ARHGEF10L: variants seen among roughly 807,000 people sequenced by gnomAD.
ARHGEF10L encodes the protein Rho guanine nucleotide exchange factor 10 like, also known as rho guanine nucleotide exchange factor 10-like protein.
Under a neutral mutation model 141.2 loss-of-function variants are expected in ARHGEF10L, and 69 were observed. That is an observed-to-expected ratio of 0.49 (90% CI 0.40 to 0.60). The LOEUF (loss-of-function observed/expected upper bound fraction) is 0.60. Among genes scored for constraint, ARHGEF10L ranks in the 20% least tolerant of loss-of-function variants. The pLI is 0.00. For missense variants in ARHGEF10L, 1,482 were observed against 1,734.3 expected (o/e 0.85, Z 2.58); for synonymous variants, 711 against 718.5 (o/e 0.99, Z 0.17).
At chr1:17,592,359 GC>G (rs1278846187) in intron 4 of ARHGEF10L, among the ~76,000 whole-genome samples, 2 of 152,202 alleles carry the variant, frequency 1.3e-5, no homozygotes, top group Non-Finnish European at 2.9e-5. Flanking sequence ...ATTCTCATGG[GC>G]TCCCTGAAGG....
At chr1:17,628,508 C>T (rs1186660475) in intron 15 of ARHGEF10L, among the ~76,000 whole-genome samples, 1 of 152,140 alleles carries the variant, frequency 6.6e-6, no homozygotes, top group Non-Finnish European at 1.5e-5. Flanking sequence ...GGAGGTCCCA[C>T]ACCCCAGCCC....
chr1:17,517,876 C>T, the ARHGEF10L span, among the ~76,000 whole-genome samples: 2 of 152,058 alleles, frequency 1.3e-5, no homozygotes, highest in Non-Finnish European at 2.9e-5. Flanking sequence ...TGGCCAGGCT[C>T]TTCTCAAACT....
At chr1:17,557,176 C>T (rs143128128) in intron 1 of ARHGEF10L, among the ~76,000 whole-genome samples, 372 of 151,858 alleles carry the variant, frequency 2.4e-3, no homozygotes, top group Non-Finnish European at 4.0e-3. Context: ...AACCTTGTCT[C>T]TACTAAAAAT....
In ARHGEF10L at chr1:17,602,144, G is replaced by A. The variant is rs1256824860; in HGVS notation, c.275G>A (p.Ser92Asn). ...PPGTGVPAWV[S>N]NGDAADAAFS... ...GCCCGCAGGGTGCCAGCCTGGGTGA[G>A]CAATGGGGATGCAGCGGACGCAGCC... Residue 92 changes from serine (S) to asparagine (N), a missense_variant, in exon 5 of 29, where the codon AGC becomes AAC. Around this residue, in one of 3 missense-constraint regions of ARHGEF10L, gnomAD observed 232 missense variants for 225.9 expected, o/e 1.03. Transcript: ENST00000361221. The A allele has an allele frequency of 7.6e-6, 12 of 1,576,304 alleles. No homozygotes were observed. Among genetic ancestry groups the A allele is most frequent in the Non-Finnish European group, 9.5e-6 (11 of 1,160,762 alleles).
chr1:17,531,146 G>A, the ARHGEF10L span, among the ~76,000 whole-genome samples: 1 of 152,334 alleles, frequency 6.6e-6, no homozygotes, highest in South Asian at 2.1e-4. Context: ...CAGTAAAAGT[G>A]GGGGCATCAT....
chr1:17,619,271 C>A lies in ARHGEF10L; in HGVS notation c.836-68C>A. 6.7e-7 allele frequency: 1 copy of A among 1,483,560 alleles called. No homozygotes were observed. The highest frequency in any genetic ancestry group is 9.3e-7 in the Non-Finnish European group (1 of 1,076,236). The allele number at this position is 1,483,560 out of a possible 1,614,324, so 91.9% of individuals were successfully genotyped here. Reference sequence around the variant, plus strand: ...AAGGCTGGTCTAGGGGGGCTCTCAGCTCCTGAGGCCTGAGCAGGGTGTGCT... The same window carrying A: ...AAGGCTGGTCTAGGGGGGCTCTCAGATCCTGAGGCCTGAGCAGGGTGTGCT... On this transcript the variant is annotated intron_variant, in intron 9 of 28. Coordinates refer to ENST00000361221, the MANE Select transcript of ARHGEF10L (RefSeq NM_018125.4). This position sits in a 1 kb window ranked among gnomAD's most constrained non-coding sequence, Gnocchi z 5.0.
At chr1:17,690,346 C>T (rs375138697) in intron 27 of ARHGEF10L, among the ~76,000 whole-genome samples, 2 of 152,256 alleles carry the variant, frequency 1.3e-5, no homozygotes, top group East Asian at 3.9e-4. Context: ...ATCCTCGGTC[C>T]CTACCCCGCA....
chr1:17,557,002 A>G (rs1419773686), intron 1 of ARHGEF10L, among the ~76,000 whole-genome samples: 1 of 151,000 alleles, frequency 6.6e-6, no homozygotes, highest in East Asian at 1.9e-4. Context: ...ACTGCCCTCC[A>G]GTTCGGACAA....
At chr1:17,560,516 C>T (rs1027920768) in intron 1 of ARHGEF10L, among the ~76,000 whole-genome samples, 1 of 152,212 alleles carries the variant, frequency 6.6e-6, no homozygotes, top group Admixed American at 6.6e-5. Flanking sequence ...CACTTGAGTG[C>T]AGTAATGGGG....
intron 1 of ARHGEF10L, among the ~76,000 whole-genome samples, chr1:17,542,801 G>A (rs141333309): frequency 6.6e-6 from 1 of 152,234 alleles, no homozygotes; most frequent in East Asian, 1.9e-4. Flanking sequence ...AGTGACTGTC[G>A]AAGGTCACTG....
the ARHGEF10L span, among the ~76,000 whole-genome samples, chr1:17,532,793 C>T: frequency 6.6e-6 from 1 of 152,010 alleles, no homozygotes; most frequent in Non-Finnish European, 1.5e-5. Flanking sequence ...CGGGGTTTCC[C>T]TATATTGGCC....
At chr1:17,613,283 C>T in intron 8 of ARHGEF10L, 109 bp downstream of exon 8, 1 of 886,338 alleles carries the variant, frequency 1.1e-6, no homozygotes, top group South Asian at 1.5e-5. Flanking sequence ...CAGGCCCACC[C>T]TTGAGTCCCA....
intron 4 of ARHGEF10L, among the ~76,000 whole-genome samples, chr1:17,591,000 CAA>C (rs1557763187): frequency 2.6e-5 from 4 of 152,120 alleles, no homozygotes; most frequent in Admixed American, 1.3e-4. Flanking sequence ...AACAAACAAA[CAA>C]AGAAACAAAA....
intron 26 of ARHGEF10L, among the ~76,000 whole-genome samples, chr1:17,676,863 T>G (rs1037557193): frequency 6.6e-6 from 1 of 151,822 alleles, no homozygotes; most frequent in African/African-American, 2.4e-5. Context: ...GTCTTCTGAT[T>G]GGGCAGAATC....
Position 17,656,767 on chromosome 1 carries a change from A to G in ARHGEF10L, c.2860+59A>G. 6.4e-7 allele frequency: 1 copy of G among 1,562,448 alleles called. No individual in the cohort carries two copies. The highest frequency in any genetic ancestry group is 8.7e-7 in the Non-Finnish European group (1 of 1,148,046). On this transcript the variant is annotated intron_variant, in intron 25 of 28. Coordinates refer to ENST00000361221, the MANE Select transcript of ARHGEF10L (RefSeq NM_018125.4). The surrounding 1 kb of genome is among the most constrained non-coding windows in gnomAD (Gnocchi z 4.9). Reference sequence around the variant, plus strand: ...GTCCTGGATGCCAGCTGGGTGCCAGATTCTCTACCAAGAGAGGATACAGGA... The same window carrying G: ...GTCCTGGATGCCAGCTGGGTGCCAGGTTCTCTACCAAGAGAGGATACAGGA...
chr1:17,596,556 T>C (rs567747020), intron 4 of ARHGEF10L, among the ~76,000 whole-genome samples: 109 of 152,360 alleles, frequency 7.2e-4, no homozygotes, highest in African/African-American at 2.5e-3. Context: ...GGCCCCAGAA[T>C]GCTTGTGCGT....
chr1:17,619,527 T>G lies in ARHGEF10L; in HGVS notation c.942+82T>G. On this transcript the variant is annotated intron_variant, in intron 10 of 28. Coordinates refer to ENST00000361221, the MANE Select transcript of ARHGEF10L (RefSeq NM_018125.4). This position sits in a 1 kb window ranked among gnomAD's most constrained non-coding sequence, Gnocchi z 5.0. ...TCCAGCCTGTTCTCTGGGGCCACGCTTGTCTGGATCTCACAGGGGATATGA... is the reference window on the plus strand; with the variant it reads ...TCCAGCCTGTTCTCTGGGGCCACGCGTGTCTGGATCTCACAGGGGATATGA... The G allele has an allele frequency of 8.7e-7, 1 of 1,142,956 alleles. No homozygotes were observed. Among genetic ancestry groups the G allele is most frequent in the Non-Finnish European group, 1.2e-6 (1 of 809,032 alleles). 70.8% of individuals were successfully genotyped at this position (1,142,956 alleles called of 1,614,324 possible).
Position 17,697,239 on chromosome 1 carries a change from G to T in ARHGEF10L, c.3699G>T (p.Lys1233Asn). Reference protein sequence around the residue: ...SRPCARDAHRKEICSVAIISG... With the variant: ...SRPCARDAHRNEICSVAIISG... ...CCTGCGCCCGCGACGCCCACCGCAA[G>T]GAGATTTGCTCTGTGGCCATCATCT... Residue 1233 changes from lysine to asparagine, a missense_variant, in exon 29 of 29, where the codon AAG becomes AAT. Physicochemically the swap from Lys to Asn is moderately conservative, Grantham distance 94. This residue lies in a region of ARHGEF10L where 858 missense variants were observed against 966.3 expected (regional missense o/e 0.89). Transcript: ENST00000361221. This position sits in a 1 kb window ranked among gnomAD's most constrained non-coding sequence, Gnocchi z 4.8. The T allele has an allele frequency of 6.2e-7, 1 of 1,612,536 alleles. No homozygotes were observed.
the ARHGEF10L span, among the ~76,000 whole-genome samples, chr1:17,519,815 C>G: frequency 2.0e-5 from 3 of 151,888 alleles, no homozygotes; most frequent in Non-Finnish European, 4.4e-5. Context: ...TTTACTCCAG[C>G]CTGGGCGATG....
Sources: gnomAD v4.1 joint callset for allele counts (sites outside exome capture counted in the v4.1 genomes callset) on GRCh38, gnomAD v4.1.1 for gene constraint, gnomAD v4.1.1 regional missense constraint, Gnocchi (gnomAD v3.1) non-coding constraint, MANE v1.5 for transcripts, NCBI Gene and HGNC (gene_info 2026-07-23, HGNC 2026-07-21) for gene names.